PSMB7: variants seen among roughly 807,000 people sequenced by gnomAD.
The protein encoded by PSMB7 is proteasome subunit beta type-7.
A neutral mutation model predicts 28.1 loss-of-function variants in PSMB7; 5 were observed. That is an observed-to-expected ratio of 0.18 (90% CI 0.09 to 0.37). The LOEUF (loss-of-function observed/expected upper bound fraction) is 0.37, where lower values mean the gene tolerates loss of function less well. PSMB7 is among the 10% of genes least tolerant of loss of function. The pLI is 1.00. For missense variants in PSMB7, 275 were observed against 346.2 expected (o/e 0.79, Z 1.63); for synonymous variants, 122 against 123.7 (o/e 0.99, Z 0.09).
At chr9:124,391,406 C>G (rs1411772534) in intron 5 of PSMB7, among the ~76,000 whole-genome samples, 1 of 152,152 alleles carries the variant, frequency 6.6e-6, no homozygotes, top group African/African-American at 2.4e-5. Context: ...GGAGATGGAG[C>G]TATCTTTTCT....
chr9:124,384,448 C>G, intron 6 of PSMB7, 150 bp downstream of exon 6: 1 of 736,934 alleles, frequency 1.4e-6, no homozygotes. Context: ...AAGCTGGTCT[C>G]TTCGGCAAAC....
At chr9:124,385,745 C>T (rs778434672) in intron 5 of PSMB7, among the ~76,000 whole-genome samples, 1 of 152,106 alleles carries the variant, frequency 6.6e-6, no homozygotes, top group Non-Finnish European at 1.5e-5. Flanking sequence ...AAAAAGGCAG[C>T]GATTAAACAG....
intron 6 of PSMB7, chr9:124,383,684 T>C (rs1830690650): frequency 6.6e-6 from 1 of 152,208 alleles, no homozygotes; most frequent in Admixed American, 6.5e-5. Flanking sequence ...AGACACCCTC[T>C]GGTCCCTAAA....
chr9:124,398,254 T>TAAAGAAGGCAGGGAGGGGAGGGGTG (rs1171575544), intron 5 of PSMB7, among the ~76,000 whole-genome samples: 8 of 148,974 alleles, frequency 5.4e-5, no homozygotes, highest in Admixed American at 3.3e-4. Flanking sequence ...AAGGAAAGGG[T>TAAAGAAGGCAGGGAGGGGAGGGGTG]AAAGAAGGCA....
intron 6 of PSMB7, among the ~76,000 whole-genome samples, chr9:124,377,191 G>C (rs114660591): frequency 6.6e-6 from 1 of 152,102 alleles, no homozygotes; most frequent in African/African-American, 2.4e-5. Flanking sequence ...CGCATCTAAC[G>C]CTCACAGCAA....
chr9:124,409,290 T>C (rs1831000959), intron 4 of PSMB7, among the ~76,000 whole-genome samples: 1 of 152,238 alleles, frequency 6.6e-6, no homozygotes, highest in Admixed American at 6.5e-5. Flanking sequence ...CAGTATTTTC[T>C]AAATTTCCTA....
intron 5 of PSMB7, among the ~76,000 whole-genome samples, chr9:124,394,312 A>G (rs1048024525): frequency 4.6e-5 from 7 of 152,218 alleles, no homozygotes; most frequent in East Asian, 1.9e-4. Flanking sequence ...AGTCTGACCA[A>G]TGAGGAAGTA....
chr9:124,381,617 C>T (rs1830665320), intron 6 of PSMB7, among the ~76,000 whole-genome samples: 1 of 152,204 alleles, frequency 6.6e-6, no homozygotes, highest in Non-Finnish European at 1.5e-5. Flanking sequence ...AAGAAAGTCT[C>T]CCTGGAAAGA....
intron 6 of PSMB7, among the ~76,000 whole-genome samples, chr9:124,359,741 C>T (rs539409856): frequency 6.6e-6 from 1 of 152,252 alleles, no homozygotes; most frequent in South Asian, 2.1e-4. Flanking sequence ...TCTCTCTGGG[C>T]CAACCAGCAG....
chr9:124,384,630 C>T lies in PSMB7; in HGVS notation c.538G>A (p.Val180Ile), dbSNP rs747527651. 3.7e-6 allele frequency: 6 copies of T among 1,613,654 alleles called. No individual in the cohort carries two copies. Among genetic ancestry groups the T allele is most frequent in the African/African-American group, 1.3e-5 (1 of 74,920 alleles). ...TCTGGCCTAAACTTATCTTCAAATA[C>T]AGCCATTGCTGCCAAGGAGCCAGAA... ...MGSGSLAAMA[V>I]FEDKFRPDME... The change falls in exon 6 of 8, where the codon GTA becomes ATA. Residue 180 changes from valine (V) to isoleucine (I), a missense_variant. Coordinates refer to ENST00000259457, the MANE Select transcript of PSMB7 (RefSeq NM_002799.4).
chr9:124,392,874 C>G (rs978517372), intron 5 of PSMB7, among the ~76,000 whole-genome samples: 1 of 152,200 alleles, frequency 6.6e-6, no homozygotes, highest in African/African-American at 2.4e-5. Context: ...ACCTGTTTGC[C>G]ACCATGGCCT....
At chr9:124,371,536 A>G (rs1037161422) in intron 6 of PSMB7, among the ~76,000 whole-genome samples, 1 of 152,260 alleles carries the variant, frequency 6.6e-6, no homozygotes, top group African/African-American at 2.4e-5. Flanking sequence ...AAGTCAGTGA[A>G]TAACAAAAGA....
At chr9:124,366,324 A>T (rs1369483754) in intron 6 of PSMB7, among the ~76,000 whole-genome samples, 1 of 152,308 alleles carries the variant, frequency 6.6e-6, no homozygotes, top group East Asian at 1.9e-4. Flanking sequence ...GAATCGCTTG[A>T]ACCTGGAGGT....
Position 124,413,943 on chromosome 9 carries a change from G to C in PSMB7, c.219C>G (p.Asn73Lys). ...ATEGMVVADK[N>K]CSKIHFISPN... ...GAGATATGAAGTGTATTTTTGAACA[G>C]TTCTTGTCAGCAACAACCATCCCTT... The change falls in exon 3 of 8, where the codon AAC becomes AAG. Residue 73 changes from asparagine to lysine, a missense_variant. Physicochemically the swap from Asn to Lys is moderately conservative, Grantham distance 94 (BLOSUM62 0). Around this residue, in one of 2 missense-constraint regions of PSMB7, gnomAD observed 213 missense variants for 302.4 expected, o/e 0.70. Transcript: ENST00000259457. The C allele has an allele frequency of 6.2e-7, 1 of 1,612,490 alleles. No homozygotes were observed. Among genetic ancestry groups the C allele is most frequent in the Non-Finnish European group, 8.5e-7 (1 of 1,178,950 alleles).
At chr9:124,391,002 C>T (rs1233818261) in intron 5 of PSMB7, among the ~76,000 whole-genome samples, 2 of 152,154 alleles carry the variant, frequency 1.3e-5, no homozygotes, top group East Asian at 1.9e-4. Context: ...TCCTTAGGAC[C>T]GTCTTAGAGG....
rs1314649809 is a variant in PSMB7, at chr9:124,398,391, AAGAG to A, written c.511+6922_511+6925del. The A allele has an allele frequency of 3.0e-5, 7 of 234,578 alleles. No individual in the cohort carries two copies. The Admixed American group carries it at 3.5e-4, about 12-fold the overall frequency. The allele number at this position is 234,578 out of a possible 1,614,324, so 14.5% of individuals were successfully genotyped here. On this transcript the variant is annotated intron_variant, in intron 5 of 7. Coordinates refer to ENST00000259457, the MANE Select transcript of PSMB7 (RefSeq NM_002799.4). ...CACGGAACAATGGCTGAAAGAAACTAAGAGAGCCACAGAGACAAAGCCCAGGCGA... is the reference window on the plus strand; with the variant it reads ...CACGGAACAATGGCTGAAAGAAACTAAGCCACAGAGACAAAGCCCAGGCGA...
intron 5 of PSMB7, among the ~76,000 whole-genome samples, chr9:124,405,055 C>T (rs1830949369): frequency 6.6e-6 from 1 of 151,962 alleles, no homozygotes; most frequent in South Asian, 2.1e-4. Flanking sequence ...AAATATACTT[C>T]TCACAGTTGT....
At chr9:124,380,151 T>C (rs1009608351) in intron 6 of PSMB7, among the ~76,000 whole-genome samples, 1 of 152,278 alleles carries the variant, frequency 6.6e-6, no homozygotes, top group African/African-American at 2.4e-5. Context: ...GTGCACGCTA[T>C]ATTCAAAGAA....
intron 6 of PSMB7, among the ~76,000 whole-genome samples, chr9:124,360,164 CAATT>C (rs775581437): frequency 6.6e-6 from 1 of 152,202 alleles, no homozygotes; most frequent in African/African-American, 2.4e-5. Context: ...TGGAATTTCA[CAATT>C]AAACAACTTT....
Sources: gnomAD v4.1 joint callset for allele counts (sites outside exome capture counted in the v4.1 genomes callset) on GRCh38, gnomAD v4.1.1 for gene constraint, gnomAD v4.1.1 regional missense constraint, MANE v1.5 for transcripts, NCBI Gene and HGNC (gene_info 2026-07-23, HGNC 2026-07-21) for gene names.